Variants in NTM observed in about 807,000 individuals in gnomAD.
The protein encoded by NTM is neurotrimin.
In NTM, 13 loss-of-function variants were observed where a neutral mutation model predicts 42.1. The observed-to-expected ratio is 0.31, with a 90% confidence interval of 0.20 to 0.49. The LOEUF (loss-of-function observed/expected upper bound fraction) is 0.49, where lower values mean the gene tolerates loss of function less well. NTM is among the 20% of genes least tolerant of loss of function. The pLI is 0.99. For missense variants in NTM, 373 were observed against 452.8 expected, an observed-to-expected ratio of 0.82 and a Z score of 1.60; for synonymous variants, 187 against 179.2, an observed-to-expected ratio of 1.04 and a Z score of -0.35.
intron 1 of NTM, among the ~76,000 whole-genome samples, chr11:131,627,484 G>C (rs947772513): frequency 6.6e-6 from 1 of 152,098 alleles, no homozygotes. Context: ...GGACCTCCAT[G>C]ACTAGATTAT....
chr11:132,219,045 C>G (rs1384596507), intron 4 of NTM, among the ~76,000 whole-genome samples: 1 of 152,024 alleles, frequency 6.6e-6, no homozygotes, highest in East Asian at 1.9e-4. Context: ...TGGTTCTAGA[C>G]CCCATTTTCT....
chr11:132,229,976 C>T (rs961283055), intron 4 of NTM, among the ~76,000 whole-genome samples: 3 of 152,186 alleles, frequency 2.0e-5, no homozygotes, highest in Admixed American at 1.3e-4. Flanking sequence ...TGGCAACTGC[C>T]GTCATAGAAT....
intron 1 of NTM, among the ~76,000 whole-genome samples, chr11:131,852,113 T>C (rs1246145789): frequency 6.6e-6 from 1 of 152,104 alleles, no homozygotes; most frequent in Non-Finnish European, 1.5e-5. Context: ...GGAAGGCTCC[T>C]GCAGGGACAG....
intron 2 of NTM, among the ~76,000 whole-genome samples, chr11:132,142,496 C>G (rs2069388803): frequency 1.3e-5 from 2 of 152,262 alleles, no homozygotes; most frequent in African/African-American, 2.4e-5. Context: ...TTTCACTTTT[C>G]TTTTTTTAAC....
intron 3 of NTM, among the ~76,000 whole-genome samples, chr11:132,202,859 GT>G (rs1304920281): frequency 6.6e-6 from 1 of 152,024 alleles, no homozygotes; most frequent in Non-Finnish European, 1.5e-5. Flanking sequence ...AAATCACTAG[GT>G]TTTTTTCCTA....
chr11:131,530,331 C>CTAT (rs1439640785), intron 1 of NTM, among the ~76,000 whole-genome samples: 1 of 149,842 alleles, frequency 6.7e-6, no homozygotes, highest in Non-Finnish European at 1.5e-5. Flanking sequence ...ACTTTCTACC[C>CTAT]TATGAGAATG....
chr11:131,850,911 A>T (rs1405869993), intron 1 of NTM, among the ~76,000 whole-genome samples: 1 of 152,198 alleles, frequency 6.6e-6, no homozygotes, highest in African/African-American at 2.4e-5. Context: ...AGACAAATCT[A>T]TGGAGCTGAG....
At position 131,973,550 on chromosome 11, in the gene NTM, T is replaced by C. The variant is rs568692550; in HGVS notation, c.167+61902T>C. 5.9e-5 allele frequency among the ~76,000 whole-genome samples: 9 copies of C among 152,354 alleles called. No homozygotes were observed. In the South Asian group the frequency reaches 1.9e-3, roughly 32 times the overall value. On this transcript the variant is annotated intron_variant, in intron 2 of 8. Transcript: ENST00000683400. ...ACTAACTGGCACAGGCCAGGCGCTG[T>C]GGCTCATGCCGATAATCCCAGCACC...
intron 1 of NTM, among the ~76,000 whole-genome samples, chr11:131,880,689 T>C (rs933795252): frequency 6.6e-6 from 1 of 152,218 alleles, no homozygotes; most frequent in African/African-American, 2.4e-5. Context: ...GGATGACATA[T>C]ACACACTCTC....
chr11:131,895,185 C>T (rs768216221), intron 1 of NTM, among the ~76,000 whole-genome samples: 8 of 152,144 alleles, frequency 5.3e-5, no homozygotes, highest in African/African-American at 1.2e-4. Flanking sequence ...AATCCAAACC[C>T]GTGTATTGGA....
chr11:132,041,855 C>T lies in NTM; in HGVS notation c.168-104427C>T, dbSNP rs144847689. 2.7e-3 allele frequency among the ~76,000 whole-genome samples: 417 copies of T among 152,236 alleles called. 2 individuals carry two copies. Among genetic ancestry groups the T allele is most frequent in the African/African-American group, 9.7e-3 (402 of 41,550 alleles). On this transcript the variant is annotated intron_variant, in intron 2 of 8. Coordinates refer to ENST00000683400, the MANE Select transcript of NTM (RefSeq NM_001352005.2). ...CTGACCCACACTGAGGCTTAGTTTC[C>T]TCATAGGTAAAATGGGGAGAATACC...
intron 1 of NTM, among the ~76,000 whole-genome samples, chr11:131,785,376 A>G (rs1480610887): frequency 6.6e-6 from 1 of 152,238 alleles, no homozygotes; most frequent in Non-Finnish European, 1.5e-5. Context: ...AGACAGAGAT[A>G]AAAATAGATC....
chr11:131,696,655 G>A (rs1450495954), intron 1 of NTM, among the ~76,000 whole-genome samples: 4 of 152,184 alleles, frequency 2.6e-5, no homozygotes, highest in Non-Finnish European at 5.9e-5. Context: ...TAATGTGACT[G>A]CTATGAGAAG....
chr11:131,916,396 T>G (rs1218017879), intron 2 of NTM, among the ~76,000 whole-genome samples: 1 of 152,212 alleles, frequency 6.6e-6, no homozygotes, highest in Non-Finnish European at 1.5e-5. Flanking sequence ...GGCAGGTGGG[T>G]ATCAGAGGCT....
chr11:132,301,366 A>G (rs1163706386), intron 4 of NTM, among the ~76,000 whole-genome samples: 4 of 152,168 alleles, frequency 2.6e-5, no homozygotes, highest in South Asian at 4.1e-4. Flanking sequence ...GGGAACTACA[A>G]TGCAAGATGA....
At chr11:132,319,452 C>G (rs753975010) in intron 7 of NTM, among the ~76,000 whole-genome samples, 8 of 152,224 alleles carry the variant, frequency 5.3e-5, no homozygotes, top group African/African-American at 7.2e-5. Flanking sequence ...GCTTAAAAAA[C>G]GGCACACCAA....
intron 2 of NTM, among the ~76,000 whole-genome samples, chr11:131,926,447 T>C (rs1467210406): frequency 6.6e-6 from 1 of 151,768 alleles, no homozygotes; most frequent in Non-Finnish European, 1.5e-5. Flanking sequence ...TGGTGAACTG[T>C]GGGGAGAGCC....
chr11:131,460,616 G>A (rs756187216), intron 1 of NTM, among the ~76,000 whole-genome samples: 3 of 151,950 alleles, frequency 2.0e-5, no homozygotes, highest in Non-Finnish European at 2.9e-5. Context: ...GCAGTGGCGC[G>A]ATCTCAGCTC....
rs368682321 is a variant in NTM at position 132,303,596 on chromosome 11, A to G, written c.527-4093A>G. Among the ~76,000 whole-genome samples the G allele has an allele frequency of 3.3e-5, 5 of 152,242 alleles. No individual in the cohort carries two copies. In the East Asian group the frequency reaches 9.7e-4, roughly 29 times the overall value. ...AGGTACTGATGGTTAGGATCTCAAC[A>G]TACCTTTTTTGGGAGGACACAATTG... On this transcript the variant is annotated intron_variant, in intron 4 of 8. Transcript: ENST00000683400.
Sources: allele counts gnomAD v4.1 joint callset (sites outside exome capture counted in the v4.1 genomes callset), GRCh38; gene constraint gnomAD v4.1.1; transcripts MANE v1.5; gene names NCBI Gene and HGNC (gene_info 2026-07-23, HGNC 2026-07-21).